Variants in GMEB1 observed in about 807,000 individuals in gnomAD.
The protein encoded by GMEB1 is glucocorticoid modulatory element binding protein 1.
GMEB1 carries 6 observed loss-of-function variants against 52.4 expected under a neutral mutation model. The observed-to-expected ratio is 0.11, with a 90% CI of 0.06 to 0.23. The LOEUF is 0.23. Among genes scored for constraint, GMEB1 ranks in the 10% least tolerant of loss-of-function variants. The pLI is 1.00. For missense variants in GMEB1, 486 were observed against 685.6 expected (o/e 0.71, Z 3.25); for synonymous variants, 255 against 244.9 (o/e 1.04, Z -0.38).
At position 28,715,080 on chromosome 1, in the gene GMEB1, G is replaced by A. The variant is rs1671230215; in HGVS notation, c.*307G>A. The A allele has an allele frequency of 3.3e-6, 1 of 303,070 alleles. No individual in the cohort carries two copies. The highest frequency in any genetic ancestry group is 4.6e-5 in the Admixed American group (1 of 21,822). The allele number at this position is 303,070 out of a possible 1,614,324, so 18.8% of individuals were successfully genotyped here. A position where few individuals can be genotyped will look rare whatever the true frequency, so the allele number is the denominator to read the frequency against. On this transcript the variant is annotated 3_prime_UTR_variant, in exon 10 of 10. Coordinates refer to ENST00000373816, the MANE Select transcript of GMEB1 (RefSeq NM_001319674.2). ...ACCCTGTCCAGAAAGCCATTTCCAG[G>A]CTCGTCTGTGTGTGTAGGCATGTGG...
rs116513410 is a variant in GMEB1, at chr1:28,696,972, A to G, written c.486A>G (p.Lys162=). ...AGATTGATTTTTACCAACATGACAA[A>G]GTTTGCTCCAATACCTGCAGAAGCA... The part of the protein sequence containing the change: ...SGQIDFYQHD[K]VCSNTCRSTK... The change falls in exon 6 of 10, where the codon AAA becomes AAG. Residue 162 remains lysine, a synonymous_variant. Transcript: ENST00000373816. 987 of 1,611,224 alleles carry G rather than the reference A, an allele frequency of 6.1e-4. 3 individuals carry two copies. In the African/African-American group the frequency reaches 0.012, roughly 19 times the overall value.
chr1:28,715,745 G>A lies in GMEB1; in HGVS notation c.*972G>A, dbSNP rs1671256641. 2.0e-5 allele frequency: 3 copies of A among 152,048 alleles called. No individual in the cohort carries two copies. Among genetic ancestry groups the A allele is most frequent in the Admixed American group, 6.6e-5 (1 of 15,238 alleles). 9.4% of individuals were successfully genotyped at this position (152,048 alleles called of 1,614,324 possible). A position where few individuals can be genotyped will look rare whatever the true frequency, so the allele number is the denominator to read the frequency against. On this transcript the variant is annotated 3_prime_UTR_variant, in exon 10 of 10. Coordinates refer to ENST00000373816, the MANE Select transcript of GMEB1 (RefSeq NM_001319674.2). ...TTTGAGAAGAAGGTGGTAATAAGTG[G>A]AAGGTACATCTCCACAGAGCAAGTG...
chr1:28,692,375 T>G (rs1670007807), intron 4 of GMEB1, among the ~76,000 whole-genome samples: 1 of 151,910 alleles, frequency 6.6e-6, no homozygotes, highest in African/African-American at 2.4e-5. Flanking sequence ...CTACTAAAAA[T>G]ACAAAAATTA....
chr1:28,699,978 G>A (rs1285994654), intron 6 of GMEB1, among the ~76,000 whole-genome samples: 1 of 150,634 alleles, frequency 6.6e-6, no homozygotes, highest in East Asian at 2.0e-4. Context: ...AGGAGACTGA[G>A]GTGGGAAGAT....
At chr1:28,672,736 CTTTTTTTT>C (rs540343527) in intron 1 of GMEB1, among the ~76,000 whole-genome samples, 1 of 119,728 alleles carries the variant, frequency 8.4e-6, no homozygotes, top group East Asian at 2.6e-4. Flanking sequence ...CATATTGTTC[CTTTTTTTT>C]TTTTTTTTTT....
intron 1 of GMEB1, among the ~76,000 whole-genome samples, chr1:28,671,055 A>C (rs767804398): frequency 1.8e-4 from 27 of 152,132 alleles, no homozygotes; most frequent in Non-Finnish European, 3.5e-4. Context: ...TCTGTGACTT[A>C]GAATTTCACC....
At chr1:28,672,141 G>GT (rs1553134103) in intron 1 of GMEB1, among the ~76,000 whole-genome samples, 1 of 150,526 alleles carries the variant, frequency 6.6e-6, no homozygotes, top group Non-Finnish European at 1.5e-5. Flanking sequence ...ATATTTTGGG[G>GT]TTAGAAAATT....
At position 28,690,202 on chromosome 1, in the gene GMEB1, TG is replaced by T. The variant is rs767656990; in HGVS notation, c.211+17del. The T allele has an allele frequency of 1.5e-4, 119 of 817,124 alleles. No individual in the cohort carries two copies. Among genetic ancestry groups the T allele is most frequent in the Middle Eastern group, 4.9e-4 (2 of 4,116 alleles). The allele number at this position is 817,124 out of a possible 1,614,324, so 50.6% of individuals were successfully genotyped here. On this transcript the variant is annotated intron_variant, in intron 3 of 9. Transcript: ENST00000373816. Reference sequence around the variant, plus strand: ...GAAGGGATTGGTAAGGGTTTTTTTGTGTTTTTTTTTTTTTTTTTTTTTGTCA... The same window carrying T: ...GAAGGGATTGGTAAGGGTTTTTTTGTTTTTTTTTTTTTTTTTTTTTTGTCA...
chr1:28,684,439 T>G (rs1669540308), intron 2 of GMEB1, among the ~76,000 whole-genome samples: 1 of 151,554 alleles, frequency 6.6e-6, no homozygotes, highest in Admixed American at 6.6e-5. Flanking sequence ...AGCAGGCGCC[T>G]GTAGTCCCAG....
intron 2 of GMEB1, among the ~76,000 whole-genome samples, chr1:28,686,729 A>G (rs1214676771): frequency 6.6e-6 from 1 of 151,368 alleles, no homozygotes; most frequent in African/African-American, 2.4e-5. Flanking sequence ...TACCAGTCTT[A>G]TTTGAAGCAG....
intron 9 of GMEB1, among the ~76,000 whole-genome samples, chr1:28,712,771 A>C (rs1671118158): frequency 6.6e-6 from 1 of 151,758 alleles, no homozygotes; most frequent in South Asian, 2.1e-4. Flanking sequence ...TGGGAGGCGG[A>C]GGTTGCAGTG....
intron 1 of GMEB1, among the ~76,000 whole-genome samples, chr1:28,675,558 T>C (rs1669112054): frequency 6.6e-6 from 1 of 151,444 alleles, no homozygotes; most frequent in African/African-American, 2.4e-5. Flanking sequence ...GCACATGTCA[T>C]CCCAGCTGCT....
chr1:28,689,833 C>A, intron 2 of GMEB1: 1 of 315,302 alleles, frequency 3.2e-6, no homozygotes, highest in Non-Finnish European at 5.8e-6. Flanking sequence ...TGGTGTAATA[C>A]AGTAGCAAGT....
intron 2 of GMEB1, among the ~76,000 whole-genome samples, chr1:28,684,494 C>T (rs1669543627): frequency 1.4e-5 from 2 of 144,962 alleles, no homozygotes; most frequent in South Asian, 2.3e-4. Flanking sequence ...ACCCGGGAGG[C>T]GGAGCTTGTA....
intron 2 of GMEB1, among the ~76,000 whole-genome samples, chr1:28,687,379 C>CAAAA (rs1399256461): frequency 0.011 from 180 of 16,352 alleles, 18 homozygotes; most frequent in Middle Eastern, 0.023. Flanking sequence ...CACACACACA[C>CAAAA]ACACACACAA....
At chr1:28,696,346 C>T (rs971867284) in intron 5 of GMEB1, among the ~76,000 whole-genome samples, 1 of 152,040 alleles carries the variant, frequency 6.6e-6, no homozygotes, top group African/African-American at 2.4e-5. Context: ...GGATTACAGG[C>T]GTGAATCACT....
intron 6 of GMEB1, among the ~76,000 whole-genome samples, chr1:28,701,268 C>CTTTTTTTTTTTTTTTTTTTTTTTT (rs67909525): frequency 9.1e-6 from 1 of 109,828 alleles, no homozygotes; most frequent in Admixed American, 1.1e-4. Flanking sequence ...TAAAAGCTGT[C>CTTTTTTTTTTTTTTTTTTTTTTTT]TTTTTTTTTT....
intron 1 of GMEB1, among the ~76,000 whole-genome samples, chr1:28,669,825 A>G (rs970900007): frequency 1.3e-5 from 2 of 152,158 alleles, no homozygotes; most frequent in Admixed American, 6.6e-5. Context: ...CTGAAATGAC[A>G]GGAATTGGCC....
chr1:28,678,423 C>G (rs1280404990), intron 1 of GMEB1, among the ~76,000 whole-genome samples: 1 of 151,576 alleles, frequency 6.6e-6, no homozygotes, highest in South Asian at 2.1e-4. Flanking sequence ...CATTCTCCTG[C>G]CTCAGCCTCC....
Sources: allele counts gnomAD v4.1 joint callset (sites outside exome capture counted in the v4.1 genomes callset), GRCh38; gene constraint gnomAD v4.1.1; transcripts MANE v1.5; gene names NCBI Gene and HGNC (gene_info 2026-07-23, HGNC 2026-07-21).